The following C1QTNF7 variants were observed in gnomAD, a reference collection of about 807,000 sequenced individuals.
C1QTNF7 encodes complement C1q tumor necrosis factor-related protein 7.
Under a neutral mutation model 19.6 loss-of-function variants are expected in C1QTNF7, and 15 were observed. That is an observed-to-expected ratio of 0.76 (90% confidence interval 0.51 to 1.18). The LOEUF is 1.18. Ranked by LOEUF, C1QTNF7 falls within the 50% of genes most tolerant of loss-of-function variation. The pLI is 0.00. For synonymous variants in C1QTNF7, 142 were observed against 137.5 expected, an observed-to-expected ratio of 1.03 and a Z score of -0.23; for missense variants, 324 against 359.7, an observed-to-expected ratio of 0.90 and a Z score of 0.80.
intron 1 of C1QTNF7, among the ~76,000 whole-genome samples, chr4:15,398,641 G>A (rs1257893198): frequency 6.6e-6 from 1 of 152,196 alleles, no homozygotes; most frequent in Non-Finnish European, 1.5e-5. Context: ...CCCTGAGGCA[G>A]CAGTCTGCTT....
intron 1 of C1QTNF7, among the ~76,000 whole-genome samples, chr4:15,415,151 CTT>C (rs1188735632): frequency 1.3e-5 from 2 of 152,312 alleles, no homozygotes; most frequent in African/African-American, 2.4e-5. Context: ...ATCCAAGACT[CTT>C]TGCTTTCAAA....
intron 1 of C1QTNF7, among the ~76,000 whole-genome samples, chr4:15,393,404 C>T (rs901872755): frequency 2.0e-5 from 3 of 152,154 alleles, no homozygotes; most frequent in Non-Finnish European, 4.4e-5. Flanking sequence ...CTACAGGCCC[C>T]AGGCTGCTAA....
chr4:15,385,888 C>T (rs1230035854), intron 1 of C1QTNF7, among the ~76,000 whole-genome samples: 1 of 152,230 alleles, frequency 6.6e-6, no homozygotes, highest in Admixed American at 6.5e-5. Context: ...TTATATATTA[C>T]ATTAGATTAC....
intron 1 of C1QTNF7, among the ~76,000 whole-genome samples, chr4:15,411,497 G>A (rs918205295): frequency 6.6e-6 from 1 of 152,176 alleles, no homozygotes; most frequent in African/African-American, 2.4e-5. Flanking sequence ...TGCATTCCTA[G>A]AGGAGACAGT....
chr4:15,344,117 G>A lies in C1QTNF7; in HGVS notation c.13+3910G>A, dbSNP rs191436140. 9.2e-5 allele frequency among the ~76,000 whole-genome samples: 14 copies of A among 152,346 alleles called. 1 individual carries two copies. The highest frequency in any genetic ancestry group is 3.4e-3 in the Middle Eastern group (1 of 294). On this transcript the variant is annotated intron_variant, in intron 1 of 2. Transcript: ENST00000295297. ...AAACACAGGAGACTGAGAGAACAGC[G>A]TGGAAAGTAGCAGGAAGGCTTCCCT...
chr4:15,386,545 G>A (rs930828043), intron 1 of C1QTNF7, among the ~76,000 whole-genome samples: 1 of 152,058 alleles, frequency 6.6e-6, no homozygotes, highest in African/African-American at 2.4e-5. Flanking sequence ...GACCATACAA[G>A]TCATGGAGAA....
chr4:15,418,150 G>A (rs925410264), intron 1 of C1QTNF7, among the ~76,000 whole-genome samples: 9 of 152,006 alleles, frequency 5.9e-5, no homozygotes, highest in East Asian at 1.9e-4. Context: ...CACTTCTCTC[G>A]TTATCCTTTG....
At chr4:15,427,148 G>T (rs955734695), upstream of C1QTNF7, among the ~76,000 whole-genome samples, 1 of 152,112 alleles carries the variant, frequency 6.6e-6, no homozygotes, top group Non-Finnish European at 1.5e-5. Context: ...CAATCTCGTT[G>T]GTCAAGTGTG....
chr4:15,404,787 C>T (rs926319341), intron 1 of C1QTNF7, among the ~76,000 whole-genome samples: 13 of 152,126 alleles, frequency 8.5e-5, no homozygotes, highest in Admixed American at 3.3e-4. Context: ...AATCACTTCC[C>T]GAGTAAGGAA....
chr4:15,347,988 G>T, intron 1 of C1QTNF7, among the ~76,000 whole-genome samples: 1 of 152,156 alleles, frequency 6.6e-6, no homozygotes, highest in Non-Finnish European at 1.5e-5. Context: ...AGCTCTGTTT[G>T]CTCATCATTG....
intron 1 of C1QTNF7, among the ~76,000 whole-genome samples, chr4:15,346,225 C>G (rs1051758594): frequency 6.6e-6 from 1 of 152,156 alleles, no homozygotes; most frequent in Non-Finnish European, 1.5e-5. Flanking sequence ...AGAAATAAAG[C>G]ACTTTGCCTA....
intron 1 of C1QTNF7, among the ~76,000 whole-genome samples, chr4:15,349,413 A>T (rs185421178): frequency 1.3e-5 from 2 of 152,322 alleles, no homozygotes; most frequent in East Asian, 3.9e-4. Flanking sequence ...TGCCCGGGAT[A>T]TAGTAGAAAC....
intron 1 of C1QTNF7, among the ~76,000 whole-genome samples, chr4:15,379,768 G>A (rs16891831): frequency 0.02 from 3,076 of 152,296 alleles, 103 homozygotes; most frequent in African/African-American, 0.069. Flanking sequence ...AACCAGATCA[G>A]TTATCATATA....
intron 1 of C1QTNF7, among the ~76,000 whole-genome samples, chr4:15,362,751 G>A (rs997824764): frequency 1.8e-4 from 28 of 152,118 alleles, no homozygotes; most frequent in Admixed American, 5.9e-4. Context: ...TACACCACAC[G>A]TTGGTGCCAG....
At chr4:15,438,454 T>A (rs900133653) in intron 2 of C1QTNF7, among the ~76,000 whole-genome samples, 19 of 152,264 alleles carry the variant, frequency 1.2e-4, no homozygotes, top group African/African-American at 4.3e-4. Context: ...ATTCACGTAC[T>A]CTTGGTGAAT....
Position 15,377,807 on chromosome 4 carries a change from C to T in C1QTNF7, c.13+37600C>T, listed in dbSNP as rs541169873. ...CTTTCTAACTGCAAGGCTCCAAGCA[C>T]ATCACTTACCTCTTAGTTTATGTAA... is the stretch of plus-strand genomic sequence containing the variant. On this transcript the variant is annotated intron_variant, in intron 1 of 2. Coordinates refer to the C1QTNF7 transcript ENST00000295297. Among the ~76,000 whole-genome samples the T allele has an allele frequency of 2.6e-5, 4 of 152,288 alleles. No individual in the cohort carries two copies. The South Asian group carries it at 8.3e-4, about 32-fold the overall frequency.
chr4:15,387,368 C>T (rs545529045), intron 1 of C1QTNF7, among the ~76,000 whole-genome samples: 12 of 152,164 alleles, frequency 7.9e-5, no homozygotes, highest in African/African-American at 2.4e-4. Context: ...TAGAAATAGA[C>T]ATTACAAGCC....
chr4:15,366,786 C>G (rs1404317487), intron 1 of C1QTNF7, among the ~76,000 whole-genome samples: 1 of 152,196 alleles, frequency 6.6e-6, no homozygotes, highest in East Asian at 1.9e-4. Context: ...ATATCCTTAT[C>G]CTGAATGATC....
intron 1 of C1QTNF7, among the ~76,000 whole-genome samples, chr4:15,360,657 G>A (rs945218647): frequency 1.6e-4 from 25 of 152,090 alleles, no homozygotes; most frequent in Non-Finnish European, 2.2e-4. Flanking sequence ...CTGCCAAAAA[G>A]GACACTTGTT....
Sources: allele counts gnomAD v4.1 joint callset (sites outside exome capture counted in the v4.1 genomes callset), GRCh38; gene constraint gnomAD v4.1.1; transcripts MANE v1.5; gene names NCBI Gene and HGNC (gene_info 2026-07-23, HGNC 2026-07-21).